SLC36A3: variants seen among roughly 807,000 people sequenced by gnomAD.
SLC36A3 encodes proton-coupled amino acid transporter 3.
Under a neutral mutation model 44.3 loss-of-function variants are expected in SLC36A3, and 35 were observed. That is an observed-to-expected ratio of 0.79 (90% confidence interval 0.60 to 1.05). SLC36A3 has a LOEUF of 1.05. SLC36A3 is among the 50% of genes least tolerant of loss of function. The pLI is 0.00. For synonymous variants in SLC36A3, 211 were observed against 227.6 expected (o/e 0.93, Z 0.66); for missense variants, 540 against 578.7 (o/e 0.93, Z 0.69).
chr5:151,283,762 C>T (rs1414481085), intron 8 of SLC36A3, among the ~76,000 whole-genome samples: 1 of 152,232 alleles, frequency 6.6e-6, no homozygotes, highest in Non-Finnish European at 1.5e-5. Context: ...ATGTATTAAT[C>T]CAATTAATCC....
chr5:151,280,269 C>T (rs745335927), intron 9 of SLC36A3, among the ~76,000 whole-genome samples: 10 of 152,034 alleles, frequency 6.6e-5, no homozygotes, highest in Non-Finnish European at 1.2e-4. Flanking sequence ...AGCTGGCAAA[C>T]GTGATGAAAC....
Position 151,284,219 on chromosome 5 carries a change from A to G in SLC36A3, c.808-9T>C, listed in dbSNP as rs63635061. The G allele has an allele frequency of 3.9e-5, 55 of 1,402,056 alleles. No individual in the cohort carries two copies. Among genetic ancestry groups the G allele is most frequent in the Admixed American group, 3.6e-4 (16 of 44,170 alleles). The allele number at this position is 1,402,056 out of a possible 1,614,324, so 86.9% of individuals were successfully genotyped here. ...TTTTTGAGAGGCAGAACCTGGAGGG[A>G]AAAAAAAAAGTTGGGAAAGAAAAGG... On this transcript the variant is annotated splice_polypyrimidine_tract_variant and intron_variant, in intron 7 of 9. Transcript: ENST00000335230.
rs1343430068 is a variant in SLC36A3 at position 151,281,175 on chromosome 5, T to G, written c.983A>C (p.Gln328Pro). The change falls in exon 9 of 10, where the codon CAG becomes CCG. Residue 328 changes from glutamine (Q) to proline (P), a missense_variant. Physicochemically the swap from Gln to Pro is moderately conservative, Grantham distance 76 (BLOSUM62 -1). Transcript: ENST00000335230. ...TLNLPNCWLY[Q>P]SVKLMYSIGI... ...GATAGAGTACATCAGCTTGACTGACTGGTACAACCTGCAGACACATGAATT... is the reference window on the plus strand; with the variant it reads ...GATAGAGTACATCAGCTTGACTGACGGGTACAACCTGCAGACACATGAATT... 1 of 1,608,146 alleles carries G rather than the reference T, an allele frequency of 6.2e-7. No homozygotes were observed. The highest frequency in any genetic ancestry group is 1.3e-5 in the African/African-American group (1 of 74,854).
At chr5:151,284,009 C>T in intron 8 of SLC36A3, 35 bp downstream of exon 8, 1 of 1,578,826 alleles carries the variant, frequency 6.3e-7, no homozygotes, top group Non-Finnish European at 8.6e-7. Context: ...GTTCCAGTGT[C>T]TCTCCCTATC....
At chr5:151,278,698 A>G (rs1754195134) in intron 9 of SLC36A3, among the ~76,000 whole-genome samples, 1 of 152,194 alleles carries the variant, frequency 6.6e-6, no homozygotes, top group Non-Finnish European at 1.5e-5. Context: ...TTGCTCTGAC[A>G]CATCCAGTCC....
intron 9 of SLC36A3, among the ~76,000 whole-genome samples, chr5:151,280,686 T>C (rs1467615480): frequency 6.6e-6 from 1 of 152,224 alleles, no homozygotes. Flanking sequence ...CAGTTCCCTC[T>C]AATGGTAATA....
chr5:151,285,065 C>A (rs1450287750), intron 6 of SLC36A3, among the ~76,000 whole-genome samples: 1 of 152,198 alleles, frequency 6.6e-6, no homozygotes, highest in African/African-American at 2.4e-5. Flanking sequence ...AGCCTCCTGG[C>A]ACCCCCTGCT....
rs539823667 is a variant in SLC36A3, at chr5:151,302,144, T to C, written c.128+1083A>G. 2.6e-5 allele frequency among the ~76,000 whole-genome samples: 4 copies of C among 152,356 alleles called. 1 individual carries two copies. In the South Asian group the frequency reaches 8.3e-4, roughly 32 times the overall value. On this transcript the variant is annotated intron_variant, in intron 1 of 9. Transcript: ENST00000335230. ...CAGTTTTGTGTGTGTGCACGAGTTG[T>C]ATACTTTCAGACAGCATTTGCCAAA...
At chr5:151,285,212 T>C (rs1189148772) in intron 6 of SLC36A3, among the ~76,000 whole-genome samples, 1 of 152,236 alleles carries the variant, frequency 6.6e-6, no homozygotes, top group Non-Finnish European at 1.5e-5. Context: ...GTGGTATGTG[T>C]CACTGTCTCC....
At chr5:151,290,624 A>C (rs562110909) in intron 4 of SLC36A3, among the ~76,000 whole-genome samples, 1 of 152,308 alleles carries the variant, frequency 6.6e-6, no homozygotes, top group South Asian at 2.1e-4. Flanking sequence ...GGCCGGGTGC[A>C]GTGGCTCACG....
intron 1 of SLC36A3, among the ~76,000 whole-genome samples, chr5:151,300,607 T>A (rs1755137472): frequency 1.3e-5 from 2 of 152,162 alleles, no homozygotes; most frequent in Admixed American, 1.3e-4. Flanking sequence ...CCTATTTGAA[T>A]CAGATATTGT....
At chr5:151,283,662 A>T (rs1401430879) in intron 8 of SLC36A3, among the ~76,000 whole-genome samples, 2 of 152,246 alleles carry the variant, frequency 1.3e-5, no homozygotes, top group Non-Finnish European at 2.9e-5. Flanking sequence ...TCACCTTGGA[A>T]AAATGAAGGC....
In SLC36A3 at chr5:151,281,028, A is replaced by G. The variant is rs1207683069; in HGVS notation, c.1130T>C (p.Leu377Ser). The G allele has an allele frequency of 8.1e-6, 13 of 1,614,048 alleles. No homozygotes were observed. The highest frequency in any genetic ancestry group is 1.3e-5 in the African/African-American group (1 of 74,918). ...LFVDLSVRSA[L>S]VCLTCVSAIL... Reference sequence around the variant, plus strand: ...ATGCTACTCACAGGTTAGACAGACCAAGGCTGAGCGGACAGACAGGTCTAC... The same window carrying G: ...ATGCTACTCACAGGTTAGACAGACCGAGGCTGAGCGGACAGACAGGTCTAC... Residue 377 changes from leucine (L) to serine (S), a missense_variant, in exon 9 of 10, where the codon TTG becomes TCG. Leu to Ser is a moderately radical substitution (Grantham distance 145). Transcript: ENST00000335230.
At chr5:151,291,929 C>T (rs778578650) in intron 4 of SLC36A3, among the ~76,000 whole-genome samples, 8 of 152,224 alleles carry the variant, frequency 5.3e-5, no homozygotes, top group Non-Finnish European at 8.8e-5. Context: ...GGTGCGATCT[C>T]GGCTCACTGC....
At chr5:151,303,201 C>T (rs749678127) in intron 1 of SLC36A3, 26 bp downstream of exon 1, 1 of 1,601,270 alleles carries the variant, frequency 6.2e-7, no homozygotes, top group East Asian at 2.2e-5. Flanking sequence ...TGACCTCAGG[C>T]CTGGAAGGGC....
chr5:151,299,667 C>T (rs148917906), intron 1 of SLC36A3, among the ~76,000 whole-genome samples: 2 of 152,166 alleles, frequency 1.3e-5, no homozygotes, highest in Non-Finnish European at 2.9e-5. Flanking sequence ...GCATTGAACC[C>T]AGAGATGGGA....
Position 151,288,528 on chromosome 5 carries a change from T to G in SLC36A3, c.405-58A>C, listed in dbSNP as rs1580813738. The G allele has an allele frequency of 8.2e-6, 10 of 1,219,762 alleles. No individual in the cohort carries two copies. The East Asian group carries it at 2.5e-4, about 31-fold the overall frequency. 75.6% of individuals were successfully genotyped at this position (1,219,762 alleles called of 1,614,324 possible). On this transcript the variant is annotated intron_variant, in intron 4 of 9. Coordinates refer to ENST00000335230, the MANE Select transcript of SLC36A3 (RefSeq NM_181774.4). ...GGAAACAAAAGCTAAAATTATTTCT[T>G]AAGAATGTTTACTATTTGAAACAAT...
In SLC36A3 at chr5:151,284,662, A is replaced by G. The variant is rs765326066; in HGVS notation, c.758T>C (p.Phe253Ser). ...GATGGCTGTACCAAAGAACAGCAAG[A>G]AGGTCTTCCAGTTTGCCATCAAGGG... ...NLPLMANWKTFLLFFGTAIFT... is the reference protein window; with the variant it reads ...NLPLMANWKTSLLFFGTAIFT... The change falls in exon 7 of 10, where the codon TTC becomes TCC. Residue 253 changes from phenylalanine to serine, a missense_variant. Coordinates refer to ENST00000335230, the MANE Select transcript of SLC36A3 (RefSeq NM_181774.4). The G allele has an allele frequency of 1.2e-6, 2 of 1,613,548 alleles. No homozygotes were observed. The highest frequency in any genetic ancestry group is 2.2e-5 in the South Asian group (2 of 90,956).
rs1193033971 is a variant in SLC36A3 at position 151,293,025 on chromosome 5, G to GA, written c.404+338dup. On this transcript the variant is annotated intron_variant, in intron 4 of 9. Coordinates refer to ENST00000335230, the MANE Select transcript of SLC36A3 (RefSeq NM_181774.4). Reference sequence around the variant, plus strand: ...GAGGTTCATTTATATGTTCCAACATGAAAAAATAGGGATATATTGTTAGAT... The same window carrying GA: ...GAGGTTCATTTATATGTTCCAACATGAAAAAAATAGGGATATATTGTTAGAT... Among the ~76,000 whole-genome samples the GA allele has an allele frequency of 2.6e-5, 4 of 151,890 alleles. No homozygotes were observed. In the East Asian group the frequency reaches 7.7e-4, roughly 29 times the overall value.
Sources: gnomAD v4.1 joint callset for allele counts (sites outside exome capture counted in the v4.1 genomes callset) on GRCh38, gnomAD v4.1.1 for gene constraint, MANE v1.5 for transcripts, NCBI Gene and HGNC (gene_info 2026-07-23, HGNC 2026-07-21) for gene names.